Variants in COL23A1 observed in about 807,000 individuals in gnomAD.
The protein encoded by COL23A1 is collagen type XXIII alpha 1 chain.
A neutral mutation model predicts 99.3 loss-of-function variants in COL23A1; 97 were observed. The ratio of observed to expected loss-of-function variants is 0.98; its 90% CI spans 0.83 to 1.16. COL23A1 has a LOEUF of 1.16. Ranked by LOEUF, COL23A1 falls within the 50% of genes most tolerant of loss-of-function variation. The pLI, the probability that COL23A1 is intolerant of heterozygous loss-of-function variation, is 0.00. For missense variants in COL23A1, 762 were observed against 757.4 expected, an observed-to-expected ratio of 1.01 and a Z score of -0.07; for synonymous variants, 320 against 308.2, an observed-to-expected ratio of 1.04 and a Z score of -0.40.
Position 178,419,020 on chromosome 5 carries a change from T to C in COL23A1, c.362-112101A>G, listed in dbSNP as rs547073113. ...GGAATGAAGTCTGACCTATGGCAGATGCTCAAGAAACACTTGTGGAATGAA... is the reference window on the plus strand; with the variant it reads ...GGAATGAAGTCTGACCTATGGCAGACGCTCAAGAAACACTTGTGGAATGAA... On this transcript the variant is annotated intron_variant, in intron 2 of 28. Coordinates refer to ENST00000390654, the MANE Select transcript of COL23A1 (RefSeq NM_173465.4). Among the ~76,000 whole-genome samples the C allele has an allele frequency of 1.1e-3, 169 of 152,310 alleles. 2 individuals carry two copies. Among genetic ancestry groups the C allele is most frequent in the Non-Finnish European group, 7.5e-4 (51 of 68,030 alleles).
rs1581127361 is a variant in COL23A1, at chr5:178,309,330, C to T, written c.362-2411G>A. 6.6e-6 allele frequency among the ~76,000 whole-genome samples: 1 copy of T among 152,080 alleles called. No individual in the cohort carries two copies. The highest frequency in any genetic ancestry group is 2.1e-4 in the South Asian group (1 of 4,824). On this transcript the variant is annotated intron_variant, in intron 2 of 28. Coordinates refer to ENST00000390654, the MANE Select transcript of COL23A1 (RefSeq NM_173465.4). The surrounding 1 kb of genome is among the most constrained non-coding windows in gnomAD (Gnocchi z 4.7). ...GTGCCTGCCTCCCAGGGTCACTGGG[C>T]GATGCCCCCTGCAGGCCTGGAGCTG...
At chr5:178,588,216 G>A (rs1004389105) in intron 1 of COL23A1, among the ~76,000 whole-genome samples, 1 of 152,150 alleles carries the variant, frequency 6.6e-6, no homozygotes, top group Non-Finnish European at 1.5e-5. Context: ...CAGCCGGGAG[G>A]GGGGAAGCCT....
intron 2 of COL23A1, among the ~76,000 whole-genome samples, chr5:178,388,603 C>A (rs554238885): frequency 2.0e-5 from 3 of 152,204 alleles, no homozygotes; most frequent in Non-Finnish European, 4.4e-5. Context: ...CTGTCATCAA[C>A]TTCCTCCCCT....
At chr5:178,273,408 G>A (rs992388366) in intron 5 of COL23A1, among the ~76,000 whole-genome samples, 1 of 152,254 alleles carries the variant, frequency 6.6e-6, no homozygotes, top group Admixed American at 6.5e-5. Flanking sequence ...TCTGATGTGT[G>A]AGAAGCCCCG....
chr5:178,273,712 C>T (rs149040998), intron 5 of COL23A1, among the ~76,000 whole-genome samples: 56 of 152,286 alleles, frequency 3.7e-4, no homozygotes, highest in African/African-American at 1.3e-3. Flanking sequence ...AGGATGACAC[C>T]TGGGCAAGAA....
chr5:178,362,269 G>C lies in COL23A1; in HGVS notation c.362-55350C>G, dbSNP rs183266053. Among the ~76,000 whole-genome samples the C allele has an allele frequency of 2.1e-3, 319 of 152,246 alleles. 1 individual carries two copies. The highest frequency in any genetic ancestry group is 3.9e-3 in the Non-Finnish European group (262 of 68,022). ...AGTGAATGGAGGGAGGCTGAGTTTG[G>C]AGCCAGGCGGCTGTGGGTCCGAATA... On this transcript the variant is annotated intron_variant, in intron 2 of 28. Coordinates refer to ENST00000390654, the MANE Select transcript of COL23A1 (RefSeq NM_173465.4).
At chr5:178,246,194 T>C in intron 24 of COL23A1, 60 bp downstream of exon 24, 2 of 1,533,766 alleles carry the variant, frequency 1.3e-6, no homozygotes, top group Non-Finnish European at 1.8e-6. Flanking sequence ...GTCCCCGGGC[T>C]GAGCGCCACC....
chr5:178,518,736 G>C (rs1197963113), intron 2 of COL23A1, among the ~76,000 whole-genome samples: 1 of 150,404 alleles, frequency 6.6e-6, no homozygotes, highest in Non-Finnish European at 1.5e-5. Flanking sequence ...CTTCCCAGAC[G>C]GGGTGGCAGC....
intron 2 of COL23A1, among the ~76,000 whole-genome samples, chr5:178,392,877 C>A (rs980310335): frequency 6.6e-6 from 1 of 152,170 alleles, no homozygotes; most frequent in Non-Finnish European, 1.5e-5. Flanking sequence ...TAAGAGTGTG[C>A]CAGCGCTGAA....
intron 2 of COL23A1, among the ~76,000 whole-genome samples, chr5:178,424,874 G>A (rs1765826316): frequency 6.6e-6 from 1 of 152,206 alleles, no homozygotes; most frequent in Non-Finnish European, 1.5e-5. Flanking sequence ...CACAGAGGGG[G>A]TTCAGTAAGT....
In COL23A1 at chr5:178,513,529, A is replaced by G. The variant is rs185145547; in HGVS notation, c.361+47153T>C. 6.2e-3 allele frequency among the ~76,000 whole-genome samples: 944 copies of G among 152,236 alleles called. 9 individuals are homozygous for G. The highest frequency in any genetic ancestry group is 0.037 in the Middle Eastern group (11 of 294). ...GCTAAAATCAAGGTGTAGGCAGGCT[A>G]TGTTTCTTCCTGGAGGCTCAGGGAG... On this transcript the variant is annotated intron_variant, in intron 2 of 28. Coordinates refer to ENST00000390654, the MANE Select transcript of COL23A1 (RefSeq NM_173465.4).
At chr5:178,562,035 A>G (rs748749024) in intron 1 of COL23A1, 2 of 524,552 alleles carry the variant, frequency 3.8e-6, no homozygotes, top group South Asian at 3.1e-5. Context: ...CCACGGTCAA[A>G]GTGTGTCTGG....
chr5:178,281,175 A>G lies in COL23A1; in HGVS notation c.441+7149T>C, dbSNP rs907423269. On this transcript the variant is annotated intron_variant, in intron 5 of 28. Transcript: ENST00000390654. The surrounding 1 kb of genome is among the most constrained non-coding windows in gnomAD (Gnocchi z 4.0). ...GGTGGCACTGTAGGGGTCAGACGGA[A>G]ATGAGATGGAGGATGTTGAAATCTA... 1.3e-5 allele frequency among the ~76,000 whole-genome samples: 2 copies of G among 152,200 alleles called. No homozygotes were observed. The highest frequency in any genetic ancestry group is 2.9e-5 in the Non-Finnish European group (2 of 68,038).
At chr5:178,403,709 T>C (rs1215728970) in intron 2 of COL23A1, among the ~76,000 whole-genome samples, 1 of 152,270 alleles carries the variant, frequency 6.6e-6, no homozygotes, top group East Asian at 1.9e-4. Flanking sequence ...GTGTAACCAT[T>C]GTTTGAAGCC....
chr5:178,431,616 G>C lies in COL23A1; in HGVS notation c.362-124697C>G, dbSNP rs143357152. 5.3e-5 allele frequency among the ~76,000 whole-genome samples: 8 copies of C among 152,362 alleles called. No homozygotes were observed. The East Asian group carries it at 1.5e-3, about 29-fold the overall frequency. On this transcript the variant is annotated intron_variant, in intron 2 of 28. Transcript: ENST00000390654. ...AGAGACTGGAGTGATGCAGCCACAAGCCAAGGAACGCTGGCAGCGGCCAGG... is the reference window on the plus strand; with the variant it reads ...AGAGACTGGAGTGATGCAGCCACAACCCAAGGAACGCTGGCAGCGGCCAGG...
intron 2 of COL23A1, among the ~76,000 whole-genome samples, chr5:178,369,269 TC>T (rs942767287): frequency 2.0e-5 from 3 of 151,592 alleles, no homozygotes; most frequent in Admixed American, 6.6e-5. Context: ...GATGAAGTGT[TC>T]CCCCCCACAC....
At chr5:178,401,083 G>T (rs1402561114) in intron 2 of COL23A1, among the ~76,000 whole-genome samples, 1 of 152,236 alleles carries the variant, frequency 6.6e-6, no homozygotes, top group African/African-American at 2.4e-5. Context: ...CCTCACATCA[G>T]TGAAATCAAT....
chr5:178,301,187 T>C (rs182620363), intron 3 of COL23A1, among the ~76,000 whole-genome samples: 1 of 152,316 alleles, frequency 6.6e-6, no homozygotes, highest in African/African-American at 2.4e-5. Context: ...GATTCTTTCT[T>C]CTGTCGGCCC....
At chr5:178,430,901 GC>G (rs1256874553) in intron 2 of COL23A1, among the ~76,000 whole-genome samples, 1 of 152,110 alleles carries the variant, frequency 6.6e-6, no homozygotes, top group Non-Finnish European at 1.5e-5. Flanking sequence ...GCATCCCACA[GC>G]CCTCACGTGA....
Sources: allele counts gnomAD v4.1 joint callset (sites outside exome capture counted in the v4.1 genomes callset), GRCh38; gene constraint gnomAD v4.1.1; non-coding constraint Gnocchi (gnomAD v3.1); transcripts MANE v1.5; gene names NCBI Gene and HGNC (gene_info 2026-07-23, HGNC 2026-07-21).